Variants in PRTFDC1 observed in about 807,000 individuals in gnomAD.
PRTFDC1 encodes phosphoribosyl transferase domain containing 1, also known as phosphoribosyltransferase domain-containing protein 1.
A neutral mutation model predicts 34.6 loss-of-function variants in PRTFDC1; 38 were observed. That is an observed-to-expected ratio of 1.10 (90% CI 0.85 to 1.44). The LOEUF (loss-of-function observed/expected upper bound fraction) is 1.44, where lower values mean the gene tolerates loss of function less well. Among genes scored for constraint, PRTFDC1 ranks in the 40% most tolerant of loss-of-function variants. PRTFDC1 has a pLI of 0.00. For synonymous variants in PRTFDC1, 93 were observed against 98.1 expected (o/e 0.95, Z 0.31); for missense variants, 270 against 283.0 (o/e 0.95, Z 0.33).
intron 3 of PRTFDC1, among the ~76,000 whole-genome samples, chr10:24,881,634 G>A (rs983700302): frequency 6.6e-6 from 1 of 152,136 alleles, no homozygotes; most frequent in African/African-American, 2.4e-5. Context: ...TAGCTTGTGG[G>A]AATTTAATAA....
intron 3 of PRTFDC1, among the ~76,000 whole-genome samples, chr10:24,895,747 G>C (rs1202197622): frequency 3.5e-5 from 3 of 84,950 alleles, no homozygotes; most frequent in Non-Finnish European, 7.5e-5. Context: ...ACATACACAT[G>C]CATACACACA....
At chr10:24,906,835 G>A (rs1233830819) in intron 3 of PRTFDC1, among the ~76,000 whole-genome samples, 1 of 152,152 alleles carries the variant, frequency 6.6e-6, no homozygotes, top group Non-Finnish European at 1.5e-5. Flanking sequence ...CACAATCTTT[G>A]GTTCTAAAAG....
intron 8 of PRTFDC1, 142 bp from the exon 9 acceptor site, chr10:24,850,033 T>A: frequency 1.3e-6 from 1 of 771,666 alleles, no homozygotes; most frequent in Non-Finnish European, 2.1e-6. Flanking sequence ...TATGTGTGGG[T>A]AAAATCTAAA....
Position 24,849,419 on chromosome 10 carries a change from TA to T in PRTFDC1, c.*424del, listed in dbSNP as rs909972333. On this transcript the variant is annotated 3_prime_UTR_variant, in exon 9 of 9. Transcript: ENST00000320152. The stretch of plus-strand genomic sequence containing the variant: ...GGTATAGGGGACTCAAGTCTTCAGT[TA>T]AAAAAAAGTCCCCAGCTTCTTAATA... The T allele has an allele frequency of 1.8e-4, 27 of 153,936 alleles. No individual in the cohort carries two copies. The highest frequency in any genetic ancestry group is 2.5e-4 in the Non-Finnish European group (17 of 69,310). The allele number at this position is 153,936 out of a possible 1,614,324, so 9.5% of individuals were successfully genotyped here.
intron 3 of PRTFDC1, among the ~76,000 whole-genome samples, chr10:24,905,307 T>G (rs1281709071): frequency 7.0e-6 from 1 of 141,850 alleles, no homozygotes; most frequent in African/African-American, 2.6e-5. Context: ...AGTGAAACCC[T>G]GTCTCAAGAA....
chr10:24,891,624 T>TCA lies in PRTFDC1; in HGVS notation c.340-19562_340-19561insTG, dbSNP rs11448016. On this transcript the variant is annotated intron_variant, in intron 3 of 8. Coordinates refer to ENST00000320152, the MANE Select transcript of PRTFDC1 (RefSeq NM_020200.7). ...CCAAGGCAACATGAAACCCAGTCTC[T>TCA]TAAAAAAAAAAAATTAGCTGTTGTC... is the stretch of plus-strand genomic sequence containing the variant. 5.3e-4 allele frequency among the ~76,000 whole-genome samples: 68 copies of TCA among 129,348 alleles called. 2 individuals carry two copies. The highest frequency in any genetic ancestry group is 7.6e-3 in the Middle Eastern group (2 of 262). The allele number at this position is 129,348 out of a possible 152,430, so 84.9% of individuals were successfully genotyped here.
chr10:24,908,872 C>A, intron 3 of PRTFDC1: 1 of 897,136 alleles, frequency 1.1e-6, no homozygotes, highest in Non-Finnish European at 1.6e-6. Context: ...AGACCTCTGG[C>A]TGGGGTGAGA....
At chr10:24,862,304 A>T (rs1847692608) in intron 4 of PRTFDC1, among the ~76,000 whole-genome samples, 1 of 152,178 alleles carries the variant, frequency 6.6e-6, no homozygotes, top group Non-Finnish European at 1.5e-5. Context: ...AACCTATACC[A>T]TGGATTGGAT....
chr10:24,906,242 A>C (rs1001673616), intron 3 of PRTFDC1, among the ~76,000 whole-genome samples: 2 of 152,088 alleles, frequency 1.3e-5, no homozygotes, highest in Non-Finnish European at 2.9e-5. Context: ...TTGGCTGTGT[A>C]GAGAGCCCCA....
intron 4 of PRTFDC1, among the ~76,000 whole-genome samples, chr10:24,868,772 T>C (rs1847828033): frequency 7.1e-6 from 1 of 141,644 alleles, no homozygotes; most frequent in Admixed American, 7.4e-5. Context: ...ACCCACTAAC[T>C]GTTGGGTGCC....
chr10:24,946,149 A>G (rs970239052), intron 1 of PRTFDC1, among the ~76,000 whole-genome samples: 1 of 151,534 alleles, frequency 6.6e-6, no homozygotes, highest in African/African-American at 2.4e-5. Context: ...AACCACATCA[A>G]TCCTTTACTG....
At chr10:24,882,461 C>T (rs1565265093) in intron 3 of PRTFDC1, among the ~76,000 whole-genome samples, 1 of 152,126 alleles carries the variant, frequency 6.6e-6, no homozygotes, top group African/African-American at 2.4e-5. Context: ...TTGTAGCATT[C>T]AGCGTTTGTT....
At chr10:24,907,921 A>T (rs1459272663) in intron 3 of PRTFDC1, among the ~76,000 whole-genome samples, 1 of 152,224 alleles carries the variant, frequency 6.6e-6, no homozygotes, top group Non-Finnish European at 1.5e-5. Context: ...AGAATAAAAG[A>T]CTATTTCATT....
At chr10:24,930,328 A>C (rs186408465) in intron 3 of PRTFDC1, among the ~76,000 whole-genome samples, 343 of 152,342 alleles carry the variant, frequency 2.3e-3, no homozygotes, top group Non-Finnish European at 3.9e-3. Context: ...GAGGAAAAGC[A>C]AAGCATAGTT....
At chr10:24,896,888 A>T (rs1848375086) in intron 3 of PRTFDC1, among the ~76,000 whole-genome samples, 2 of 152,244 alleles carry the variant, frequency 1.3e-5, no homozygotes, top group South Asian at 4.1e-4. Flanking sequence ...CAGCCTGGAC[A>T]ACATAGCAAG....
At chr10:24,929,562 A>C (rs980655851) in intron 3 of PRTFDC1, among the ~76,000 whole-genome samples, 1 of 152,154 alleles carries the variant, frequency 6.6e-6, no homozygotes, top group African/African-American at 2.4e-5. Flanking sequence ...ATTCATCCTC[A>C]ATTTTTAAAG....
intron 7 of PRTFDC1, among the ~76,000 whole-genome samples, chr10:24,854,473 T>G (rs976339827): frequency 6.6e-6 from 1 of 152,160 alleles, no homozygotes; most frequent in Admixed American, 6.5e-5. Context: ...TTCGCTAATG[T>G]TTGTTCAGCT....
At chr10:24,911,470 T>A (rs965594875) in intron 3 of PRTFDC1, among the ~76,000 whole-genome samples, 1 of 152,168 alleles carries the variant, frequency 6.6e-6, no homozygotes, top group Non-Finnish European at 1.5e-5. Context: ...CGTACCACAG[T>A]TTTTTCATTC....
chr10:24,893,290 T>C (rs28465529), intron 3 of PRTFDC1, among the ~76,000 whole-genome samples: 3 of 151,732 alleles, frequency 2.0e-5, no homozygotes, highest in Admixed American at 6.6e-5. Context: ...CTCTCTCTCT[T>C]TCTCTCTTTC....
Sources: gnomAD v4.1 joint callset for allele counts (sites outside exome capture counted in the v4.1 genomes callset) on GRCh38, gnomAD v4.1.1 for gene constraint, MANE v1.5 for transcripts, NCBI Gene and HGNC (gene_info 2026-07-23, HGNC 2026-07-21) for gene names.